Variants in CEP112 observed in about 807,000 individuals in gnomAD.
CEP112 encodes the protein centrosomal protein of 112 kDa.
In CEP112, 127 loss-of-function variants were observed where a neutral mutation model predicts 153.0. That is an observed-to-expected ratio of 0.83 (90% CI 0.72 to 0.96). CEP112 has a LOEUF of 0.96. CEP112 is among the 40% of genes least tolerant of loss of function. The pLI, the probability that CEP112 is intolerant of heterozygous loss-of-function variation, is 0.00. For missense variants in CEP112, 1,089 were observed against 1,101.2 expected, an observed-to-expected ratio of 0.99 and a Z score of 0.16; for synonymous variants, 358 against 374.4, an observed-to-expected ratio of 0.96 and a Z score of 0.51.
chr17:65,926,866 C>A (rs2060945696), intron 19 of CEP112, among the ~76,000 whole-genome samples: 1 of 152,162 alleles, frequency 6.6e-6, no homozygotes, highest in African/African-American at 2.4e-5. Flanking sequence ...CAGCACCTGG[C>A]ACATAGTAAG....
intron 21 of CEP112, among the ~76,000 whole-genome samples, chr17:65,807,154 G>C (rs111901618): frequency 1.9e-3 from 286 of 152,288 alleles, no homozygotes; most frequent in Non-Finnish European, 2.9e-3. Flanking sequence ...TTAGCAAAGA[G>C]ACAGGCTGCA....
At chr17:65,682,850 A>G (rs1249080212) in intron 24 of CEP112, among the ~76,000 whole-genome samples, 1 of 152,198 alleles carries the variant, frequency 6.6e-6, no homozygotes, top group Non-Finnish European at 1.5e-5. Flanking sequence ...CGCTATAAAC[A>G]ACTATAATCA....
intron 21 of CEP112, among the ~76,000 whole-genome samples, chr17:65,812,136 T>TA (rs1344776533): frequency 3.9e-5 from 6 of 152,182 alleles, no homozygotes; most frequent in South Asian, 2.1e-4. Context: ...CCTGAGTAGC[T>TA]AGGACTACAG....
At chr17:65,943,298 T>C (rs2061557927) in intron 18 of CEP112, among the ~76,000 whole-genome samples, 2 of 152,248 alleles carry the variant, frequency 1.3e-5, no homozygotes, top group Admixed American at 1.3e-4. Context: ...ACATGTCTTA[T>C]ATGTATGTTA....
rs9916106 is a variant in CEP112 at position 65,641,273 on chromosome 17, T to C, written c.2698-208A>G. Among the ~76,000 whole-genome samples the C allele has an allele frequency of 8.9e-3, 1,353 of 152,316 alleles. 23 individuals carry two copies. Among genetic ancestry groups the C allele is most frequent in the African/African-American group, 0.031 (1,275 of 41,566 alleles). ...CTGTGACTCTGAGAGAGATGGTCCC[T>C]GTAACAATGCTTTATTTATTTAAAA... On this transcript the variant is annotated intron_variant, in intron 24 of 26. Transcript: ENST00000535342.
chr17:66,154,382 G>A (rs55945530), intron 4 of CEP112, among the ~76,000 whole-genome samples: 1 of 151,654 alleles, frequency 6.6e-6, no homozygotes, highest in Non-Finnish European at 1.5e-5. Flanking sequence ...GGGTGTGGGG[G>A]GGGGAGCCTG....
At chr17:65,650,109 A>G (rs1376702422) in intron 24 of CEP112, among the ~76,000 whole-genome samples, 2 of 152,150 alleles carry the variant, frequency 1.3e-5, no homozygotes, top group East Asian at 1.9e-4. Context: ...TCATTCACCA[A>G]TGCCCTGTGC....
chr17:66,070,023 G>C, intron 8 of CEP112, 22 bp from the exon 9 acceptor site: 1 of 1,444,452 alleles, frequency 6.9e-7, no homozygotes, highest in South Asian at 1.2e-5. Context: ...ATATTTCAAG[G>C]GTGTTATTAA....
At chr17:66,054,894 T>C (rs1385934203) in intron 11 of CEP112, among the ~76,000 whole-genome samples, 2 of 152,082 alleles carry the variant, frequency 1.3e-5, no homozygotes, top group African/African-American at 4.8e-5. Flanking sequence ...GTAGCTGGGA[T>C]CAAAGGCAGC....
At position 65,826,362 on chromosome 17, in the gene CEP112, G is replaced by T. The variant is rs533465133; in HGVS notation, c.2394+25442C>A. ...GAGAGCCCTCAGTGCAGGCTGTAGG[G>T]CAGGCAGAACTTCTAACAAGAAGCC... On this transcript the variant is annotated intron_variant, in intron 21 of 26. Coordinates refer to ENST00000535342, the MANE Select transcript of CEP112 (RefSeq NM_001199165.4). 2.8e-5 allele frequency: 44 copies of T among 1,595,876 alleles called. No individual in the cohort carries two copies. In the East Asian group the frequency reaches 8.9e-4, roughly 32 times the overall value.
chr17:65,704,692 G>A (rs1188562776), intron 23 of CEP112, among the ~76,000 whole-genome samples: 1 of 152,194 alleles, frequency 6.6e-6, no homozygotes, highest in Non-Finnish European at 1.5e-5. Context: ...TGCTTGAGGT[G>A]CAGAGGTGGA....
intron 24 of CEP112, among the ~76,000 whole-genome samples, chr17:65,669,451 G>C (rs1598264945): frequency 6.6e-6 from 1 of 152,154 alleles, no homozygotes; most frequent in Admixed American, 6.5e-5. Flanking sequence ...CAATAAATGA[G>C]ACCTGAAGAC....
chr17:65,652,065 T>A (rs2045811223), intron 24 of CEP112, among the ~76,000 whole-genome samples: 1 of 152,240 alleles, frequency 6.6e-6, no homozygotes, highest in African/African-American at 2.4e-5. Context: ...TCAACATCAC[T>A]AATGATCAGG....
chr17:65,928,571 A>G (rs2061011169), intron 18 of CEP112, among the ~76,000 whole-genome samples: 3 of 152,238 alleles, frequency 2.0e-5, no homozygotes, highest in Admixed American at 1.3e-4. Flanking sequence ...TTCTTACAGT[A>G]GAATATTATT....
At chr17:66,011,821 T>C (rs1337040247) in intron 16 of CEP112, among the ~76,000 whole-genome samples, 3 of 152,198 alleles carry the variant, frequency 2.0e-5, no homozygotes, top group Admixed American at 6.5e-5. Context: ...CAGTGGGGTA[T>C]TGAAGTCTCT....
intron 19 of CEP112, among the ~76,000 whole-genome samples, chr17:65,926,397 G>A (rs2060924541): frequency 6.6e-6 from 1 of 152,056 alleles, no homozygotes; most frequent in Non-Finnish European, 1.5e-5. Flanking sequence ...GGCTATAAAG[G>A]TACCATCTTT....
chr17:66,029,707 T>C (rs1332182116), intron 13 of CEP112, among the ~76,000 whole-genome samples, 162 bp downstream of exon 13: 1 of 131,922 alleles, frequency 7.6e-6, no homozygotes, highest in African/African-American at 3.0e-5. Context: ...TGTCTCTAAA[T>C]AAACAAACAA....
intron 20 of CEP112, among the ~76,000 whole-genome samples, chr17:65,859,692 C>A (rs2058240970): frequency 6.7e-6 from 1 of 149,420 alleles, no homozygotes; most frequent in South Asian, 2.1e-4. Context: ...CTTGTATTCA[C>A]AAGTGTATGA....
intron 23 of CEP112, among the ~76,000 whole-genome samples, chr17:65,730,275 A>T (rs2050428703): frequency 6.6e-6 from 1 of 152,310 alleles, no homozygotes; most frequent in South Asian, 2.1e-4. Flanking sequence ...TTGAGAGAGA[A>T]CTGTTCCTTT....
Sources: allele counts gnomAD v4.1 joint callset (sites outside exome capture counted in the v4.1 genomes callset), GRCh38; gene constraint gnomAD v4.1.1; transcripts MANE v1.5; gene names NCBI Gene and HGNC (gene_info 2026-07-23, HGNC 2026-07-21).